KYNU: variants seen among roughly 807,000 people sequenced by gnomAD.
The protein encoded by KYNU is L-kynurenine hydrolase.
A neutral mutation model predicts 59.2 loss-of-function variants in KYNU; 54 were observed. The observed-to-expected ratio is 0.91, with a 90% CI of 0.73 to 1.14. KYNU has a LOEUF of 1.14. Ranked by LOEUF, KYNU falls within the 50% of genes most tolerant of loss-of-function variation. KYNU has a pLI of 0.00. For synonymous variants in KYNU, 177 were observed against 192.0 expected (o/e 0.92, Z 0.65); for missense variants, 567 against 554.4 (o/e 1.02, Z -0.23).
intron 10 of KYNU, among the ~76,000 whole-genome samples, chr2:143,019,844 C>T (rs1686358370): frequency 6.6e-6 from 1 of 151,760 alleles, no homozygotes; most frequent in Non-Finnish European, 1.5e-5. Context: ...ACTGTTTCTT[C>T]ATAGTTCAAC....
intron 8 of KYNU, among the ~76,000 whole-genome samples, chr2:142,966,650 GTC>G (rs1684549872): frequency 6.6e-6 from 1 of 151,970 alleles, no homozygotes; most frequent in Admixed American, 6.6e-5. Flanking sequence ...TTGACTCTAG[GTC>G]TCTACATTAC....
intron 2 of KYNU, among the ~76,000 whole-genome samples, chr2:142,904,700 T>C (rs962658407): frequency 6.6e-6 from 1 of 152,210 alleles, no homozygotes; most frequent in Non-Finnish European, 1.5e-5. Flanking sequence ...AGGGGTGTTT[T>C]TGCCTTGGGG....
intron 8 of KYNU, among the ~76,000 whole-genome samples, chr2:142,969,951 T>C (rs1248139879): frequency 6.6e-6 from 1 of 152,218 alleles, no homozygotes; most frequent in African/African-American, 2.4e-5. Context: ...TTTAAGTCTT[T>C]GTTAAACTGA....
chr2:142,946,519 T>C (rs904998818), intron 4 of KYNU, among the ~76,000 whole-genome samples: 2 of 152,220 alleles, frequency 1.3e-5, no homozygotes, highest in East Asian at 1.9e-4. Context: ...ATGTGCATTG[T>C]CAATAAGCAC....
intron 8 of KYNU, among the ~76,000 whole-genome samples, chr2:142,982,455 T>A (rs1685078238): frequency 6.6e-6 from 1 of 152,142 alleles, no homozygotes; most frequent in Non-Finnish European, 1.5e-5. Flanking sequence ...ATTTGGATAA[T>A]ATGTATTCAT....
At chr2:142,992,562 GT>G (rs955586113) in intron 10 of KYNU, among the ~76,000 whole-genome samples, 2 of 151,588 alleles carry the variant, frequency 1.3e-5, no homozygotes, top group African/African-American at 4.8e-5. Flanking sequence ...TATTTAAGTG[GT>G]TTTTTCATAT....
intron 2 of KYNU, among the ~76,000 whole-genome samples, chr2:142,916,861 T>C (rs1331662929): frequency 2.0e-5 from 3 of 152,134 alleles, no homozygotes; most frequent in Admixed American, 6.5e-5. Flanking sequence ...TAACAGGACA[T>C]GTGTTAATCA....
intron 4 of KYNU, among the ~76,000 whole-genome samples, chr2:142,932,452 T>C (rs1030680767): frequency 1.3e-5 from 2 of 152,018 alleles, no homozygotes; most frequent in African/African-American, 2.4e-5. Flanking sequence ...CCAGCCGATA[T>C]GTGATTGTCT....
chr2:142,947,184 G>T, intron 4 of KYNU: 1 of 1,550,846 alleles, frequency 6.4e-7, no homozygotes, highest in Non-Finnish European at 8.7e-7. Flanking sequence ...TCTTGCTAAC[G>T]CAGACACCTC....
chr2:142,929,017 A>C (rs1461592349), intron 4 of KYNU, among the ~76,000 whole-genome samples: 3 of 146,684 alleles, frequency 2.0e-5, no homozygotes, highest in African/African-American at 7.9e-5. Flanking sequence ...CAAAAAAAAA[A>C]AAAAAAAACA....
chr2:142,984,949 T>C (rs1685155672), intron 8 of KYNU, 135 bp from the exon 9 acceptor site: 9 of 698,098 alleles, frequency 1.3e-5, no homozygotes, highest in Non-Finnish European at 5.3e-6. Flanking sequence ...GGATCATACT[T>C]TGTGAACCAT....
At chr2:142,979,127 G>T (rs1684979235) in intron 8 of KYNU, among the ~76,000 whole-genome samples, 1 of 152,080 alleles carries the variant, frequency 6.6e-6, no homozygotes, top group South Asian at 2.1e-4. Flanking sequence ...TGTTAGTGAA[G>T]ATGGCAAAGA....
intron 8 of KYNU, among the ~76,000 whole-genome samples, chr2:142,980,237 AGCTT>A (rs1685013263): frequency 2.1e-5 from 3 of 145,558 alleles, no homozygotes; most frequent in African/African-American, 8.5e-5. Flanking sequence ...GCTTATAATG[AGCTT>A]ATAATGCTAA....
At chr2:142,978,090 A>G (rs1313270126) in intron 8 of KYNU, among the ~76,000 whole-genome samples, 1 of 152,098 alleles carries the variant, frequency 6.6e-6, no homozygotes, top group Non-Finnish European at 1.5e-5. Context: ...TCCATTCCCA[A>G]CTTTCTCTAG....
At chr2:142,950,278 C>T (rs1340902678) in intron 4 of KYNU, among the ~76,000 whole-genome samples, 3 of 152,222 alleles carry the variant, frequency 2.0e-5, no homozygotes, top group Non-Finnish European at 2.9e-5. Flanking sequence ...GTTGCTTCCA[C>T]ATTTTTGGAT....
intron 2 of KYNU, among the ~76,000 whole-genome samples, chr2:142,906,432 T>G (rs1208779107): frequency 6.6e-6 from 1 of 152,086 alleles, no homozygotes; most frequent in Non-Finnish European, 1.5e-5. Context: ...ATTTACAAAC[T>G]CAGGGCCTGG....
In KYNU at chr2:143,043,355, A is replaced by G. The variant is rs1687107888; in HGVS notation, c.*1183A>G. The G allele has an allele frequency of 6.6e-6, 1 of 152,052 alleles. No homozygotes were observed. Among genetic ancestry groups the G allele is most frequent in the African/African-American group, 2.4e-5 (1 of 41,438 alleles). The allele number at this position is 152,052 out of a possible 1,614,324, so 9.4% of individuals were successfully genotyped here. Reference sequence around the variant, plus strand: ...CCTAGTTTTCAATTGTTGATGCCACAATCATTATTTATAAGTTGACAAAAT... The same window carrying G: ...CCTAGTTTTCAATTGTTGATGCCACGATCATTATTTATAAGTTGACAAAAT... On this transcript the variant is annotated 3_prime_UTR_variant, in exon 14 of 14. Transcript: ENST00000264170.
At chr2:143,015,834 C>CA (rs1686231371) in intron 10 of KYNU, among the ~76,000 whole-genome samples, 1 of 152,134 alleles carries the variant, frequency 6.6e-6, no homozygotes, top group African/African-American at 2.4e-5. Context: ...TTCCTAGCAA[C>CA]AAATAGTGTG....
At chr2:143,024,484 A>C (rs1054157939) in intron 10 of KYNU, among the ~76,000 whole-genome samples, 1 of 152,072 alleles carries the variant, frequency 6.6e-6, no homozygotes, top group Non-Finnish European at 1.5e-5. Context: ...AATACCAGTA[A>C]AACTTATACA....
Sources: allele counts gnomAD v4.1 joint callset (sites outside exome capture counted in the v4.1 genomes callset), GRCh38; gene constraint gnomAD v4.1.1; transcripts MANE v1.5; gene names NCBI Gene and HGNC (gene_info 2026-07-23, HGNC 2026-07-21).